Variants in ANKRD36 observed in about 807,000 individuals in gnomAD.
ANKRD36 encodes the protein ankyrin repeat domain-containing protein 36A.
ANKRD36 carries 179 observed loss-of-function variants against 278.1 expected under a neutral mutation model. The observed-to-expected ratio is 0.64, with a 90% CI of 0.57 to 0.73. The LOEUF (loss-of-function observed/expected upper bound fraction) is 0.73. ANKRD36 is among the 30% of genes least tolerant of loss of function. The pLI, the probability that ANKRD36 is intolerant of heterozygous loss-of-function variation, is 0.00. For missense variants in ANKRD36, 1,159 were observed against 1,956.7 expected, an observed-to-expected ratio of 0.59 and a Z score of 7.69; for synonymous variants, 320 against 641.1, an observed-to-expected ratio of 0.50 and a Z score of 7.57.
At chr2:97,134,958 A>G (rs1433212244) in intron 6 of ANKRD36, among the ~76,000 whole-genome samples, 1 of 152,058 alleles carries the variant, frequency 6.6e-6, no homozygotes, top group African/African-American at 2.4e-5. Context: ...TTTGTGCCCT[A>G]CATAGGGTGA....
At chr2:97,220,761 C>CTTTTTTTTTTTTTTTTTTTTTTTTT (rs60699692) in intron 66 of ANKRD36, among the ~76,000 whole-genome samples, 2 of 70,606 alleles carry the variant, frequency 2.8e-5, no homozygotes, top group East Asian at 4.7e-4. Flanking sequence ...TTTTAATTTT[C>CTTTTTTTTTTTTTTTTTTTTTTTTT]TTTTTTTTTT....
In ANKRD36 at chr2:97,204,053, C is replaced by T. The variant is rs1358373146; in HGVS notation, c.2960-15C>T. ...TTTTACATATGAGTGATTAGGAATC[C>T]CTTTTACTTTTCAGTGTCTTCTGAG... is the stretch of plus-strand genomic sequence containing the variant. On this transcript the variant is annotated splice_polypyrimidine_tract_variant and intron_variant, in intron 48 of 75. Coordinates refer to ENST00000420699, the MANE Select transcript of ANKRD36 (RefSeq NM_001354587.1). The T allele has an allele frequency of 3.2e-6, 5 of 1,565,710 alleles. No individual in the cohort carries two copies. Among genetic ancestry groups the T allele is most frequent in the East Asian group, 4.8e-5 (2 of 41,840 alleles).
intron 40 of ANKRD36, among the ~76,000 whole-genome samples, chr2:97,195,990 A>G (rs1405582370): frequency 6.6e-6 from 1 of 151,954 alleles, no homozygotes; most frequent in Non-Finnish European, 1.5e-5. Context: ...AAGAAACTTA[A>G]GCAAATTATT....
rs13431743 is a variant in ANKRD36, at chr2:97,198,448, C to G, written c.2654-15C>G. 28 of 1,574,684 alleles carry G rather than the reference C, an allele frequency of 1.8e-5. No individual in the cohort carries two copies. The highest frequency in any genetic ancestry group is 2.3e-4 in the Middle Eastern group (1 of 4,388). On this transcript the variant is annotated splice_polypyrimidine_tract_variant and intron_variant, in intron 42 of 75. Transcript: ENST00000420699. The stretch of plus-strand genomic sequence containing the variant: ...TTTTACATATGAGTGATTATGAATC[C>G]CTTTTACTTTTCAGTGTCTTCTGAG...
rs1351190874 is a variant in ANKRD36 at position 97,144,641 on chromosome 2, A to G, written c.932A>G (p.Asp311Gly). ...TATTTTGTTTGAAATCCCACTCAGG[A>G]TACAAGTGACAAGGATGATTCTGTT... The part of the protein sequence containing the change: ...VSSQKQPALK[D>G]TSDKDDSVSN... The change falls in exon 10 of 76, where the codon GAT (aspartate) becomes GGT (glycine). Residue 311 changes from aspartate to glycine, a missense_variant and splice_region_variant. Asp to Gly is a moderately conservative substitution (Grantham distance 94). Transcript: ENST00000420699. 5.8e-6 allele frequency: 9 copies of G among 1,544,600 alleles called. No individual in the cohort carries two copies. The African/African-American group carries it at 8.2e-5, about 14-fold the overall frequency.
intron 5 of ANKRD36, among the ~76,000 whole-genome samples, chr2:97,124,903 A>G (rs1479103779): frequency 6.6e-6 from 1 of 151,916 alleles, no homozygotes; most frequent in Non-Finnish European, 1.5e-5. Context: ...ACCCCTATGC[A>G]TAGGGTAAAG....
rs1338557412 is a variant in ANKRD36 at position 97,207,411 on chromosome 2, G to A, written c.3164-400G>A. 8.6e-5 allele frequency among the ~76,000 whole-genome samples: 13 copies of A among 151,582 alleles called. 1 individual carries two copies. In the East Asian group the frequency reaches 2.2e-3, roughly 25 times the overall value. On this transcript the variant is annotated intron_variant, in intron 52 of 75. Transcript: ENST00000420699. ...CATGATGAATGTTTGTAGTATAATG[G>A]TGTAAATCCTTTTTATTTCCTGCAT...
chr2:97,185,654 G>C (rs1444676854), intron 30 of ANKRD36, 144 bp downstream of exon 30: 2 of 1,090,590 alleles, frequency 1.8e-6, no homozygotes, highest in Non-Finnish European at 1.3e-6. Flanking sequence ...ATAAGTTCTC[G>C]GGTGATGCTG....
chr2:97,113,569 T>A lies in ANKRD36; in HGVS notation c.-171T>A. ...GCAGGGCCGGCTAAGGTGCGCGTGC[T>A]CGCTGGTTCTAACCCTTCTGTTGGG... On this transcript the variant is annotated 5_prime_UTR_variant, in exon 1 of 76. Transcript: ENST00000420699. 2 of 757,086 alleles carry A rather than the reference T, an allele frequency of 2.6e-6. No individual in the cohort carries two copies. Among genetic ancestry groups the A allele is most frequent in the Non-Finnish European group, 4.2e-6 (2 of 480,328 alleles). 46.9% of individuals were successfully genotyped at this position (757,086 alleles called of 1,614,324 possible).
chr2:97,200,154 T>G (rs1250785882), intron 44 of ANKRD36, among the ~76,000 whole-genome samples, 180 bp from the exon 45 acceptor site: 2 of 151,904 alleles, frequency 1.3e-5, no homozygotes, highest in African/African-American at 4.8e-5. Context: ...TCACAGAGCC[T>G]GTGTTCCCTT....
At chr2:97,127,708 C>A (rs573687728) in intron 6 of ANKRD36, among the ~76,000 whole-genome samples, 3 of 151,950 alleles carry the variant, frequency 2.0e-5, no homozygotes, top group African/African-American at 4.8e-5. Context: ...TTGAACTACT[C>A]TCAATCTAGT....
At chr2:97,200,063 C>G (rs1186703606) in intron 44 of ANKRD36, among the ~76,000 whole-genome samples, 2 of 151,858 alleles carry the variant, frequency 1.3e-5, no homozygotes, top group Non-Finnish European at 2.9e-5. Flanking sequence ...CTCGGCATAT[C>G]CACATTGAGA....
chr2:97,127,459 A>G (rs1559234518), intron 6 of ANKRD36, among the ~76,000 whole-genome samples: 1 of 151,956 alleles, frequency 6.6e-6, no homozygotes. Context: ...TAGACTTTTT[A>G]TATAATTAGA....
chr2:97,160,106 G>A (rs1053155567), intron 17 of ANKRD36, among the ~76,000 whole-genome samples: 1 of 152,194 alleles, frequency 6.6e-6, no homozygotes, highest in Admixed American at 6.5e-5. Context: ...TTTATAGGAG[G>A]TTTCTAATTT....
intron 44 of ANKRD36, among the ~76,000 whole-genome samples, chr2:97,199,697 C>T (rs1337791861): frequency 7.9e-5 from 12 of 151,944 alleles, no homozygotes; most frequent in East Asian, 2.0e-4. Flanking sequence ...AAGAAACTTT[C>T]GGAAGGGTAA....
At chr2:97,153,302 T>C (rs1348833203) in intron 14 of ANKRD36, among the ~76,000 whole-genome samples, 855 of 142,692 alleles carry the variant, frequency 6.0e-3, no homozygotes, top group African/African-American at 0.025. Flanking sequence ...TCTGTGACAT[T>C]TTAATAATAT....
chr2:97,126,131 A>G (rs1382250773), intron 5 of ANKRD36, among the ~76,000 whole-genome samples: 1 of 135,610 alleles, frequency 7.4e-6, no homozygotes, highest in Admixed American at 7.9e-5. Flanking sequence ...TAAGTAACAC[A>G]TGGGGTGTTG....
intron 66 of ANKRD36, among the ~76,000 whole-genome samples, chr2:97,224,307 G>A (rs1260759063): frequency 6.6e-6 from 1 of 151,434 alleles, no homozygotes; most frequent in East Asian, 2.0e-4. Flanking sequence ...GTGACATCTA[G>A]TGCCTCCCCA....
Position 97,192,875 on chromosome 2 carries a change from C to A in ANKRD36, c.2365C>A (p.Pro789Thr), listed in dbSNP as rs746175356. The A allele has an allele frequency of 1.2e-5, 19 of 1,603,580 alleles. No homozygotes were observed. The African/African-American group carries it at 2.4e-4, about 20-fold the overall frequency. Residue 789 changes from proline to threonine, a missense_variant, in exon 37 of 76, where the codon CCA (proline) becomes ACA (threonine). Physicochemically the swap from Pro to Thr is conservative, Grantham distance 38. Transcript: ENST00000420699. ...CTTTTCAGTGTCTTCTCAGAAACCA[C>A]CAGCCTTGACGGTAATGAAACACTC... ...KSGTVSSQKP[P>T]ALTATSDEEG...
Sources: gnomAD v4.1 joint callset for allele counts (sites outside exome capture counted in the v4.1 genomes callset) on GRCh38, gnomAD v4.1.1 for gene constraint, MANE v1.5 for transcripts, NCBI Gene and HGNC (gene_info 2026-07-23, HGNC 2026-07-21) for gene names.